CSNK1G3: variants seen among roughly 807,000 people sequenced by gnomAD.
CSNK1G3 encodes the protein casein kinase I isoform gamma-3.
A neutral mutation model predicts 64.3 loss-of-function variants in CSNK1G3; 23 were observed. The observed-to-expected ratio is 0.36, with a 90% CI of 0.26 to 0.51. CSNK1G3 has a LOEUF of 0.51. Among genes scored for constraint, CSNK1G3 ranks in the 20% least tolerant of loss-of-function variants. The pLI, the probability that CSNK1G3 is intolerant of heterozygous loss-of-function variation, is 0.96. For synonymous variants in CSNK1G3, 158 were observed against 162.2 expected (o/e 0.97, Z 0.20); for missense variants, 357 against 510.5 (o/e 0.70, Z 2.90).
chr5:123,522,502 C>A (rs76106287), intron 1 of CSNK1G3, among the ~76,000 whole-genome samples: 90 of 136,272 alleles, frequency 6.6e-4, no homozygotes, highest in African/African-American at 6.8e-4. Flanking sequence ...GATTCTGTCT[C>A]AAAAAAAAAA....
intron 4 of CSNK1G3, among the ~76,000 whole-genome samples, chr5:123,570,723 C>G (rs1054214866): frequency 2.6e-5 from 4 of 152,126 alleles, no homozygotes; most frequent in African/African-American, 9.7e-5. Flanking sequence ...TTCTAACAAG[C>G]TTTGATCTGG....
At chr5:123,566,643 ATTC>A (rs1786941560) in intron 4 of CSNK1G3, among the ~76,000 whole-genome samples, 1 of 152,058 alleles carries the variant, frequency 6.6e-6, no homozygotes, top group Non-Finnish European at 1.5e-5. Context: ...GTTAATTGCA[ATTC>A]TTCTTAACTC....
intron 6 of CSNK1G3, among the ~76,000 whole-genome samples, chr5:123,584,435 T>C (rs1201012487): frequency 6.6e-6 from 1 of 152,224 alleles, no homozygotes; most frequent in Non-Finnish European, 1.5e-5. Context: ...TATTTTATTC[T>C]ATTAATTTGG....
intron 1 of CSNK1G3, among the ~76,000 whole-genome samples, chr5:123,530,224 T>C (rs756573241): frequency 2.0e-5 from 3 of 152,104 alleles, no homozygotes; most frequent in African/African-American, 4.8e-5. Flanking sequence ...AAAGACATTT[T>C]GAGGACCTAT....
At chr5:123,553,238 T>G in intron 3 of CSNK1G3, 91 bp downstream of exon 3, 1 of 661,254 alleles carries the variant, frequency 1.5e-6, no homozygotes. Flanking sequence ...TTTCATGTCA[T>G]TTATAATTTG....
At chr5:123,525,987 G>C (rs1274995631) in intron 1 of CSNK1G3, among the ~76,000 whole-genome samples, 1 of 142,478 alleles carries the variant, frequency 7.0e-6, no homozygotes, top group Non-Finnish European at 1.5e-5. Context: ...GACAGAGCGA[G>C]ACTCCGTCTC....
intron 3 of CSNK1G3, among the ~76,000 whole-genome samples, chr5:123,555,544 T>A (rs1784467679): frequency 6.6e-6 from 1 of 152,188 alleles, no homozygotes; most frequent in Non-Finnish European, 1.5e-5. Context: ...GTGACTGCTT[T>A]CACTCCATTA....
chr5:123,520,023 AAAAT>A (rs1376822945), intron 1 of CSNK1G3, among the ~76,000 whole-genome samples: 5 of 152,246 alleles, frequency 3.3e-5, no homozygotes, highest in African/African-American at 1.2e-4. Flanking sequence ...TTTTTCCAGT[AAAAT>A]AAGTAAACAG....
Position 123,612,083 on chromosome 5 carries a change from C to G in CSNK1G3, c.1218-2259C>G, listed in dbSNP as rs555075184. Among the ~76,000 whole-genome samples the G allele has an allele frequency of 5.9e-5, 9 of 152,222 alleles. No individual in the cohort carries two copies. The South Asian group carries it at 1.2e-3, about 21-fold the overall frequency. ...TTCTCTAGGCTCTTGACTGGGTAATCCATTTCAGTTCTTTCTGCTAGTCAC... is the reference window on the plus strand; with the variant it reads ...TTCTCTAGGCTCTTGACTGGGTAATGCATTTCAGTTCTTTCTGCTAGTCAC... On this transcript the variant is annotated intron_variant, in intron 12 of 12. Coordinates refer to ENST00000345990, the Ensembl canonical transcript of CSNK1G3.
chr5:123,573,385 T>G lies in CSNK1G3; in HGVS notation c.290-8T>G, dbSNP rs760801621. 4.2e-5 allele frequency: 67 copies of G among 1,612,730 alleles called. No homozygotes were observed. The highest frequency in any genetic ancestry group is 5.5e-5 in the Non-Finnish European group (65 of 1,178,948). On this transcript the variant is annotated splice_region_variant and splice_polypyrimidine_tract_variant and intron_variant, in intron 4 of 12. Transcript: ENST00000345990. ...GAAATTATTAAATGAGTATTTCTTT[T>G]CCCCCAGATGGTATACCTCAAGTTT...
intron 4 of CSNK1G3, among the ~76,000 whole-genome samples, chr5:123,559,539 A>G (rs914209573): frequency 1.3e-5 from 2 of 152,182 alleles, no homozygotes; most frequent in Non-Finnish European, 1.5e-5. Context: ...GTCTCTGTTT[A>G]CTAAGGGTGC....
chr5:123,562,720 A>G (rs1394079298), intron 4 of CSNK1G3, among the ~76,000 whole-genome samples: 1 of 151,496 alleles, frequency 6.6e-6, no homozygotes, highest in Non-Finnish European at 1.5e-5. Flanking sequence ...CTCATTTTGG[A>G]CAACTAGAGA....
intron 11 of CSNK1G3, among the ~76,000 whole-genome samples, chr5:123,605,079 T>G (rs1795116081): frequency 6.6e-6 from 1 of 152,122 alleles, no homozygotes; most frequent in Non-Finnish European, 1.5e-5. Flanking sequence ...CAACATATTT[T>G]TAGCTTTTGA....
chr5:123,550,371 C>G (rs1218963029), intron 2 of CSNK1G3, among the ~76,000 whole-genome samples: 2 of 152,158 alleles, frequency 1.3e-5, no homozygotes, highest in Non-Finnish European at 2.9e-5. Flanking sequence ...GGAGCATATA[C>G]ATTCCTTTCT....
intron 8 of CSNK1G3, among the ~76,000 whole-genome samples, chr5:123,589,220 C>T (rs1791895018): frequency 6.6e-6 from 1 of 152,030 alleles, no homozygotes; most frequent in African/African-American, 2.4e-5. Context: ...ATAATGCTGG[C>T]GTTATTAATG....
intron 6 of CSNK1G3, among the ~76,000 whole-genome samples, chr5:123,579,164 C>G (rs1360414789): frequency 6.6e-6 from 1 of 151,876 alleles, no homozygotes; most frequent in African/African-American, 2.4e-5. Flanking sequence ...TAGAGCATGT[C>G]CCTGCTCTGC....
chr5:123,601,542 A>C (rs544109950), intron 10 of CSNK1G3, among the ~76,000 whole-genome samples: 2 of 152,308 alleles, frequency 1.3e-5, no homozygotes, highest in Admixed American at 1.3e-4. Flanking sequence ...TGGGGTTTGA[A>C]ACATTTCAAT....
chr5:123,573,194 G>A (rs1788466535), intron 4 of CSNK1G3, among the ~76,000 whole-genome samples, 199 bp from the exon 5 acceptor site: 1 of 152,222 alleles, frequency 6.6e-6, no homozygotes, highest in African/African-American at 2.4e-5. Flanking sequence ...CAATAGAGGT[G>A]TATCCAGGCT....
intron 1 of CSNK1G3, among the ~76,000 whole-genome samples, chr5:123,536,624 A>T (rs1780874605): frequency 6.6e-6 from 1 of 152,098 alleles, no homozygotes; most frequent in Admixed American, 6.6e-5. Flanking sequence ...CTCTGATGTG[A>T]TCACTATATA....
Sources: allele counts gnomAD v4.1 joint callset (sites outside exome capture counted in the v4.1 genomes callset), GRCh38; gene constraint gnomAD v4.1.1; transcripts MANE v1.5; gene names NCBI Gene and HGNC (gene_info 2026-07-23, HGNC 2026-07-21).